Variants in WDPCP observed in about 807,000 individuals in gnomAD.
The protein encoded by WDPCP is WD repeat-containing and planar cell polarity effector protein fritz homolog.
In WDPCP, 71 loss-of-function variants were observed where a neutral mutation model predicts 93.1. The observed-to-expected ratio is 0.76, with a 90% confidence interval of 0.63 to 0.93. The LOEUF is 0.93. WDPCP is among the 40% of genes least tolerant of loss of function. The pLI is 0.00. For synonymous variants in WDPCP, 315 were observed against 315.0 expected, an observed-to-expected ratio of 1.00 and a Z score of 0.00; for missense variants, 844 against 887.4, an observed-to-expected ratio of 0.95 and a Z score of 0.62.
intron 9 of WDPCP, among the ~76,000 whole-genome samples, chr2:63,424,387 G>C (rs1445522508): frequency 6.6e-6 from 1 of 152,030 alleles, no homozygotes; most frequent in Non-Finnish European, 1.5e-5. Context: ...GAGAGAAGAG[G>C]ACTGTCTTTC....
the WDPCP span, among the ~76,000 whole-genome samples, chr2:63,833,358 G>T: frequency 6.6e-6 from 1 of 152,026 alleles, no homozygotes; most frequent in Admixed American, 6.6e-5. Flanking sequence ...GGTTCATAAG[G>T]TTATCTAAGT....
chr2:63,415,819 A>G (rs1300950237), intron 9 of WDPCP, among the ~76,000 whole-genome samples: 1 of 152,224 alleles, frequency 6.6e-6, no homozygotes, highest in East Asian at 1.9e-4. Context: ...AAGGGACTGA[A>G]AAGAGGGCAA....
chr2:63,404,038 C>T lies in WDPCP; in HGVS notation c.1435+10G>A, dbSNP rs1369502698. 1 of 1,613,802 alleles carries T rather than the reference C, an allele frequency of 6.2e-7. No homozygotes were observed. Among genetic ancestry groups the T allele is most frequent in the Non-Finnish European group, 8.5e-7 (1 of 1,179,928 alleles). On this transcript the variant is annotated intron_variant, in intron 10 of 17. Transcript: ENST00000272321. ...TTTAATTTACTTACTCATCACTTTC[C>T]TTGACTTACCTAGTTTAAACAACAG... is the stretch of plus-strand genomic sequence containing the variant.
chr2:63,630,574 T>C (rs1412601479), intron 3 of WDPCP, among the ~76,000 whole-genome samples: 1 of 151,842 alleles, frequency 6.6e-6, no homozygotes, highest in Non-Finnish European at 1.5e-5. Flanking sequence ...CAAGAAGACA[T>C]AGCAATCCTA....
intron 1 of WDPCP, among the ~76,000 whole-genome samples, chr2:63,526,340 T>C (rs1288358795): frequency 6.6e-6 from 1 of 152,174 alleles, no homozygotes; most frequent in Non-Finnish European, 1.5e-5. Flanking sequence ...TCCAACACTA[T>C]TATGGGTATC....
chr2:63,341,296 T>C (rs1233710818), intron 12 of WDPCP, among the ~76,000 whole-genome samples: 2 of 152,026 alleles, frequency 1.3e-5, no homozygotes, highest in Admixed American at 6.6e-5. Context: ...GCCCAGCTAA[T>C]TTTTGTATTT....
chr2:63,230,154 C>T (rs529518451), intron 14 of WDPCP, among the ~76,000 whole-genome samples: 2 of 147,066 alleles, frequency 1.4e-5, no homozygotes, highest in South Asian at 4.6e-4. Context: ...TCTCATTCTT[C>T]AATTCCCACT....
At chr2:63,264,384 A>C (rs1340100148) in intron 13 of WDPCP, among the ~76,000 whole-genome samples, 1 of 152,228 alleles carries the variant, frequency 6.6e-6, no homozygotes, top group Non-Finnish European at 1.5e-5. Flanking sequence ...TCACGCCTGT[A>C]ATCCCAGCAC....
intron 3 of WDPCP, among the ~76,000 whole-genome samples, chr2:63,617,952 C>A (rs1387452453): frequency 6.6e-6 from 1 of 152,102 alleles, no homozygotes; most frequent in African/African-American, 2.4e-5. Context: ...AACCACACTG[C>A]TTTTAGGCAA....
chr2:63,490,985 G>A (rs1700841581), intron 2 of WDPCP, among the ~76,000 whole-genome samples: 2 of 152,104 alleles, frequency 1.3e-5, no homozygotes. Context: ...GATTAAAGAA[G>A]AAAACATTTC....
At chr2:63,437,681 C>A in intron 7 of WDPCP, 127 bp from the exon 8 acceptor site, 2 of 1,033,754 alleles carry the variant, frequency 1.9e-6, no homozygotes, top group South Asian at 1.8e-5. Context: ...TCTTGAATAT[C>A]ATTATAGCAT....
At chr2:63,647,225 C>T (rs1179093951) in intron 3 of WDPCP, among the ~76,000 whole-genome samples, 3 of 152,118 alleles carry the variant, frequency 2.0e-5, no homozygotes, top group Admixed American at 1.3e-4. Flanking sequence ...GCAACCTCTG[C>T]CTTCTGGGTT....
At chr2:63,210,528 G>C (rs1288255296) in intron 14 of WDPCP, among the ~76,000 whole-genome samples, 1 of 152,174 alleles carries the variant, frequency 6.6e-6, no homozygotes, top group Non-Finnish European at 1.5e-5. Flanking sequence ...CCCACCGTGA[G>C]TGATGCAGAA....
At chr2:63,258,856 T>C (rs1276007821) in intron 14 of WDPCP, among the ~76,000 whole-genome samples, 2 of 152,158 alleles carry the variant, frequency 1.3e-5, no homozygotes, top group African/African-American at 4.8e-5. Flanking sequence ...TTTAAAATGA[T>C]TCTAGCAGCT....
chr2:63,351,672 T>C (rs1025720748), intron 12 of WDPCP, among the ~76,000 whole-genome samples: 1 of 152,314 alleles, frequency 6.6e-6, no homozygotes, highest in South Asian at 2.1e-4. Context: ...AATTCACCAT[T>C]GATAGGCACA....
chr2:63,790,166 C>G (rs1248997990), intron 2 of WDPCP, among the ~76,000 whole-genome samples: 9 of 152,220 alleles, frequency 5.9e-5, no homozygotes, highest in Middle Eastern at 3.4e-3. Flanking sequence ...CTAGAGCCAC[C>G]CATCAGACCA....
At chr2:63,209,019 C>T (rs931985177) in intron 14 of WDPCP, among the ~76,000 whole-genome samples, 1 of 152,138 alleles carries the variant, frequency 6.6e-6, no homozygotes, top group Non-Finnish European at 1.5e-5. Context: ...TGACTGGGTG[C>T]TTACAGCCAG....
intron 12 of WDPCP, among the ~76,000 whole-genome samples, chr2:63,366,159 A>G (rs1690889433): frequency 6.6e-6 from 1 of 152,140 alleles, no homozygotes; most frequent in Non-Finnish European, 1.5e-5. Flanking sequence ...GTTCTGTTTA[A>G]TTTTCAAAAG....
At chr2:63,297,444 C>G (rs1303802371) in intron 13 of WDPCP, among the ~76,000 whole-genome samples, 1 of 152,178 alleles carries the variant, frequency 6.6e-6, no homozygotes, top group Non-Finnish European at 1.5e-5. Flanking sequence ...ATGTGCCATA[C>G]ACTCCACCCT....
Sources: gnomAD v4.1 joint callset for allele counts (sites outside exome capture counted in the v4.1 genomes callset) on GRCh38, gnomAD v4.1.1 for gene constraint, MANE v1.5 for transcripts, NCBI Gene and HGNC (gene_info 2026-07-23, HGNC 2026-07-21) for gene names.